RAB38: variants seen among roughly 807,000 people sequenced by gnomAD.
RAB38 encodes RAB38, member RAS oncogene family, also known as ras-related protein Rab-38.
RAB38 carries 15 observed loss-of-function variants against 18.4 expected under a neutral mutation model. The observed-to-expected ratio is 0.82, with a 90% CI of 0.55 to 1.26. The LOEUF is 1.26. RAB38 is among the 50% of genes most tolerant of loss of function. The probability of loss-of-function intolerance (pLI) is 0.00; values close to 1 mark genes in which losing one functional copy is unlikely to be tolerated. For missense variants in RAB38, 294 were observed against 267.4 expected (o/e 1.10, Z -0.69); for synonymous variants, 101 against 104.4 (o/e 0.97, Z 0.20).
chr11:88,028,065 G>A, the RAB38 span, among the ~76,000 whole-genome samples: 2 of 152,144 alleles, frequency 1.3e-5, no homozygotes, highest in Non-Finnish European at 1.5e-5. Flanking sequence ...AGCATGCACG[G>A]TTCAAGAAAA....
the RAB38 span, among the ~76,000 whole-genome samples, chr11:88,085,044 G>T: frequency 6.6e-6 from 1 of 151,968 alleles, no homozygotes; most frequent in African/African-American, 2.4e-5. Context: ...TGCTTAAAAG[G>T]AATGGACAGG....
intron 2 of RAB38, among the ~76,000 whole-genome samples, chr11:88,138,785 TTTTA>T (rs1942866458): frequency 9.7e-5 from 11 of 113,750 alleles, no homozygotes; most frequent in African/African-American, 3.2e-4. Flanking sequence ...ATTCTTTTTT[TTTTA>T]TTATTTTTTT....
chr11:87,823,258 T>C, the RAB38 span, among the ~76,000 whole-genome samples: 1 of 152,144 alleles, frequency 6.6e-6, no homozygotes, highest in Admixed American at 6.5e-5. Context: ...GTCAATTAAA[T>C]TTTTGAAAAA....
At chr11:88,103,414 G>A in the RAB38 span, among the ~76,000 whole-genome samples, 1 of 151,894 alleles carries the variant, frequency 6.6e-6, no homozygotes, top group Non-Finnish European at 1.5e-5. Flanking sequence ...ACACCTTATC[G>A]GATTGGCTTT....
the RAB38 span, among the ~76,000 whole-genome samples, chr11:88,035,698 A>G: frequency 6.6e-6 from 1 of 152,208 alleles, no homozygotes; most frequent in African/African-American, 2.4e-5. Flanking sequence ...AAGGATCTGA[A>G]TACCTCAAAT....
the RAB38 span, among the ~76,000 whole-genome samples, chr11:88,073,998 A>C: frequency 1.3e-5 from 2 of 151,812 alleles, no homozygotes; most frequent in South Asian, 2.1e-4. Context: ...AGAAAAAAAA[A>C]CATACTTAAA....
chr11:88,101,514 G>A, the RAB38 span, among the ~76,000 whole-genome samples: 1 of 151,654 alleles, frequency 6.6e-6, no homozygotes, highest in East Asian at 1.9e-4. Flanking sequence ...TCATTACAAA[G>A]AGAAAAAAAT....
At chr11:87,912,705 T>C in the RAB38 span, among the ~76,000 whole-genome samples, 1 of 150,966 alleles carries the variant, frequency 6.6e-6, no homozygotes, top group Non-Finnish European at 1.5e-5. Context: ...TTAATTGATA[T>C]CCACTTTGAT....
chr11:88,110,436 G>C (rs11018446), downstream of RAB38, among the ~76,000 whole-genome samples: 1 of 152,078 alleles, frequency 6.6e-6, no homozygotes, highest in East Asian at 1.9e-4. Flanking sequence ...ATGGGTTGAT[G>C]GGTGCAGCAA....
the RAB38 span, among the ~76,000 whole-genome samples, chr11:88,026,549 C>G: frequency 2.6e-5 from 3 of 113,486 alleles, no homozygotes; most frequent in Non-Finnish European, 4.9e-5. Context: ...GGCTACAGAG[C>G]GAGACTCTGT....
At chr11:88,087,450 T>A in the RAB38 span, among the ~76,000 whole-genome samples, 2 of 151,942 alleles carry the variant, frequency 1.3e-5, no homozygotes, top group African/African-American at 2.4e-5. Flanking sequence ...CTTTGCAGCT[T>A]AGCCAAGGAG....
At chr11:88,063,684 T>C in the RAB38 span, among the ~76,000 whole-genome samples, 2 of 152,162 alleles carry the variant, frequency 1.3e-5, no homozygotes, top group African/African-American at 4.8e-5. Context: ...GTTTCACCCA[T>C]ACTGTTCTCA....
At chr11:87,965,372 T>C in the RAB38 span, among the ~76,000 whole-genome samples, 2 of 152,094 alleles carry the variant, frequency 1.3e-5, no homozygotes, top group Non-Finnish European at 2.9e-5. Flanking sequence ...ACTCTGGAGA[T>C]TGCCTTTCAT....
chr11:88,054,871 G>C, the RAB38 span, among the ~76,000 whole-genome samples: 4 of 152,192 alleles, frequency 2.6e-5, no homozygotes, highest in African/African-American at 9.6e-5. Context: ...ATGGTCCTAA[G>C]ACAAAGCCTT....
chr11:87,819,133 C>T, the RAB38 span, among the ~76,000 whole-genome samples: 1 of 152,182 alleles, frequency 6.6e-6, no homozygotes, highest in African/African-American at 2.4e-5. Context: ...CCTTTGCCTA[C>T]CCACTTCAAG....
chr11:87,814,222 A>T, the RAB38 span, among the ~76,000 whole-genome samples: 1 of 152,134 alleles, frequency 6.6e-6, no homozygotes, highest in Non-Finnish European at 1.5e-5. Context: ...TTGGTAGGGG[A>T]TATCCATGTT....
chr11:88,141,937 A>C (rs1942920976), intron 2 of RAB38, among the ~76,000 whole-genome samples: 1 of 152,060 alleles, frequency 6.6e-6, no homozygotes, highest in African/African-American at 2.4e-5. Flanking sequence ...CCTCTCTCCA[A>C]CCAACATGCC....
the RAB38 span, among the ~76,000 whole-genome samples, chr11:88,053,787 T>C: frequency 6.7e-6 from 1 of 149,344 alleles, no homozygotes; most frequent in East Asian, 1.9e-4. Context: ...AGAAAGGACT[T>C]AAGCTTTTTT....
the RAB38 span, among the ~76,000 whole-genome samples, chr11:88,019,169 T>C: frequency 2.0e-5 from 3 of 152,180 alleles, no homozygotes; most frequent in South Asian, 2.1e-4. Context: ...TTCACTTGGA[T>C]GATTAACAGG....
Sources: gnomAD v4.1 joint callset for allele counts (sites outside exome capture counted in the v4.1 genomes callset) on GRCh38, gnomAD v4.1.1 for gene constraint, MANE v1.5 for transcripts, NCBI Gene and HGNC (gene_info 2026-07-23, HGNC 2026-07-21) for gene names.